The following SLC3A1 variants were observed in gnomAD, a reference collection of about 807,000 sequenced individuals.
The protein encoded by SLC3A1 is solute carrier family 3 member 1.
In SLC3A1, 78 loss-of-function variants were observed where a neutral mutation model predicts 60.3. The ratio of observed to expected loss-of-function variants is 1.29; its 90% CI spans 1.08 to 1.56. The LOEUF (loss-of-function observed/expected upper bound fraction) is 1.56, where lower values mean the gene tolerates loss of function less well. Ranked by LOEUF, SLC3A1 falls within the 40% of genes most tolerant of loss-of-function variation. The pLI, the probability that SLC3A1 is intolerant of heterozygous loss-of-function variation, is 0.00. For missense variants in SLC3A1, 1,172 were observed against 858.9 expected (o/e 1.36, Z -4.56); for synonymous variants, 392 against 307.9 (o/e 1.27, Z -2.86).
At chr2:44,285,959 G>C in intron 3 of SLC3A1, 73 bp from the exon 4 acceptor site, 1 of 1,559,538 alleles carries the variant, frequency 6.4e-7, no homozygotes, top group South Asian at 1.1e-5. Flanking sequence ...CAAAGGATCA[G>C]GGAGGGCAAT....
rs1433655144 is a variant in SLC3A1 at position 44,313,919 on chromosome 2, A to G, written c.1585A>G (p.Thr529Ala). The change falls in exon 9 of 10, where the codon ACC becomes GCC. Residue 529 changes from threonine (T) to alanine (A), a missense_variant. By Grantham distance (58) the Thr-to-Ala change is moderately conservative (BLOSUM62 0). Coordinates refer to ENST00000260649, the MANE Select transcript of SLC3A1 (RefSeq NM_000341.4). ...FSEASNTWLP[T>A]NSDYHTVNVD... is the part of the protein sequence containing the mutation. The stretch of plus-strand genomic sequence containing the variant: ...TGAAGCTAGTAACACCTGGTTACCT[A>G]CCAATTCAGATTACCACACTGTGAA... 6.2e-7 allele frequency: 1 copy of G among 1,613,984 alleles called. No individual in the cohort carries two copies. Among genetic ancestry groups the G allele is most frequent in the African/African-American group, 1.3e-5 (1 of 74,948 alleles).
At chr2:44,301,203 T>G in intron 6 of SLC3A1, 76 bp downstream of exon 6, 1 of 1,569,458 alleles carries the variant, frequency 6.4e-7, no homozygotes, top group African/African-American at 1.4e-5. Context: ...CAACCAAGTG[T>G]ATTTGGAGGT....
At chr2:44,306,673 C>T (rs1018599911) in intron 7 of SLC3A1, among the ~76,000 whole-genome samples, 1 of 150,812 alleles carries the variant, frequency 6.6e-6, no homozygotes, top group African/African-American at 2.4e-5. Flanking sequence ...CCTGCCTCAG[C>T]CTTTAGAGTA....
chr2:44,276,006 G>A, intron 1 of SLC3A1, 41 bp downstream of exon 1: 1 of 1,587,000 alleles, frequency 6.3e-7, no homozygotes, highest in South Asian at 1.1e-5. Flanking sequence ...GCCAGGATGA[G>A]ATTGGTTTAT....
chr2:44,300,861 C>T, intron 5 of SLC3A1, 142 bp from the exon 6 acceptor site: 1 of 868,864 alleles, frequency 1.2e-6, no homozygotes, highest in East Asian at 2.5e-5. Flanking sequence ...ATGAAGCATT[C>T]TTCTCCATCC....
chr2:44,317,614 G>C (rs1375497306), intron 9 of SLC3A1: 1 of 152,202 alleles, frequency 6.6e-6, no homozygotes, highest in African/African-American at 2.4e-5. Flanking sequence ...TTATTTTCAA[G>C]TGGTCATAAT....
intron 7 of SLC3A1, among the ~76,000 whole-genome samples, chr2:44,310,868 G>A (rs148210972): frequency 2.6e-5 from 4 of 151,664 alleles, no homozygotes; most frequent in Non-Finnish European, 4.4e-5. Context: ...GTGTAAACAT[G>A]GCTCACTGCA....
intron 8 of SLC3A1, 48 bp from the exon 9 acceptor site, chr2:44,313,787 C>T (rs527327627): frequency 1.5e-6 from 2 of 1,378,880 alleles, no homozygotes; most frequent in East Asian, 2.3e-5. Context: ...AAGCACATTT[C>T]TTCTAATAAC....
chr2:44,309,067 A>AT (rs1273574375), intron 7 of SLC3A1, among the ~76,000 whole-genome samples: 1 of 152,182 alleles, frequency 6.6e-6, no homozygotes, highest in Non-Finnish European at 1.5e-5. Flanking sequence ...TTATTGCAAA[A>AT]TATACATAAA....
chr2:44,277,233 G>A lies in SLC3A1; in HGVS notation c.430+1268G>A, dbSNP rs188368639. The stretch of plus-strand genomic sequence containing the variant: ...AGCAATTCTCTCGGCTCAGCGTTCC[G>A]AGTAGCAGGGATTACAGGCATGCAC... On this transcript the variant is annotated intron_variant, in intron 1 of 9. Transcript: ENST00000260649. Among the ~76,000 whole-genome samples the A allele has an allele frequency of 4.2e-3, 640 of 150,732 alleles. 3 individuals carry two copies. Among genetic ancestry groups the A allele is most frequent in the Non-Finnish European group, 7.1e-3 (482 of 67,802 alleles).
At chr2:44,320,157 T>C (rs1440581055) in intron 9 of SLC3A1, 42 bp from the exon 10 acceptor site, 1 of 1,496,966 alleles carries the variant, frequency 6.7e-7, no homozygotes, top group Non-Finnish European at 9.2e-7. Context: ...CAAACAATTC[T>C]TAGAATCAAA....
At chr2:44,308,239 G>C (rs1205907196) in intron 7 of SLC3A1, among the ~76,000 whole-genome samples, 1 of 152,218 alleles carries the variant, frequency 6.6e-6, no homozygotes, top group Non-Finnish European at 1.5e-5. Flanking sequence ...AACACCCTGA[G>C]TTGATTAGTG....
intron 4 of SLC3A1, among the ~76,000 whole-genome samples, chr2:44,298,738 C>T (rs1311720737): frequency 6.6e-6 from 1 of 152,146 alleles, no homozygotes; most frequent in African/African-American, 2.4e-5. Context: ...TTAAAAATGC[C>T]TGGGAACAAG....
intron 8 of SLC3A1, 95 bp from the exon 9 acceptor site, chr2:44,313,740 A>G: frequency 9.8e-7 from 1 of 1,020,388 alleles, no homozygotes; most frequent in Non-Finnish European, 1.6e-6. Context: ...GCTAAGAACT[A>G]TGGGGAATTA....
intron 6 of SLC3A1, chr2:44,301,474 C>A (rs1672006278): frequency 1.1e-5 from 5 of 452,792 alleles, no homozygotes; most frequent in South Asian, 1.1e-4. Flanking sequence ...GGCACAGTGG[C>A]TCACGCCTGT....
intron 9 of SLC3A1, chr2:44,317,999 C>T: frequency 2.9e-6 from 1 of 341,598 alleles, no homozygotes; most frequent in Non-Finnish European, 5.8e-6. Flanking sequence ...GCTATAAACA[C>T]AAAAAATGAA....
chr2:44,305,926 C>G (rs899087593), intron 7 of SLC3A1, among the ~76,000 whole-genome samples: 1 of 152,072 alleles, frequency 6.6e-6, no homozygotes, highest in African/African-American at 2.4e-5. Context: ...TACTATAGCA[C>G]CCGTTCATTC....
chr2:44,314,415 T>A, intron 9 of SLC3A1: 1 of 224,892 alleles, frequency 4.4e-6, no homozygotes, highest in Non-Finnish European at 8.8e-6. Context: ...CTTAAAGTGG[T>A]TGCTCTGGCA....
At chr2:44,277,097 T>G (rs968805359) in intron 1 of SLC3A1, among the ~76,000 whole-genome samples, 282 of 142,458 alleles carry the variant, frequency 2.0e-3, no homozygotes, top group African/African-American at 6.8e-3. Flanking sequence ...TATCATTCTC[T>G]CTCTTCTTTT....
Sources: gnomAD v4.1 joint callset for allele counts (sites outside exome capture counted in the v4.1 genomes callset) on GRCh38, gnomAD v4.1.1 for gene constraint, MANE v1.5 for transcripts, NCBI Gene and HGNC (gene_info 2026-07-23, HGNC 2026-07-21) for gene names.